RNF38: variants seen among roughly 807,000 people sequenced by gnomAD.
The protein encoded by RNF38 is E3 ubiquitin-protein ligase RNF38.
In RNF38, 15 loss-of-function variants were observed where a neutral mutation model predicts 67.2. That is an observed-to-expected ratio of 0.22 (90% CI 0.15 to 0.34). RNF38 has a LOEUF of 0.34. RNF38 is among the 10% of genes least tolerant of loss of function. RNF38 has a pLI of 1.00. For synonymous variants in RNF38, 220 were observed against 218.8 expected, an observed-to-expected ratio of 1.01 and a Z score of -0.05; for missense variants, 524 against 639.9, an observed-to-expected ratio of 0.82 and a Z score of 1.95.
intron 1 of RNF38, among the ~76,000 whole-genome samples, chr9:36,395,142 T>C (rs940835637): frequency 2.6e-5 from 4 of 152,214 alleles, no homozygotes; most frequent in African/African-American, 9.7e-5. Context: ...ACACTACTAT[T>C]TTAGGACATC....
At chr9:36,342,557 T>C (rs1832928071) in intron 10 of RNF38, 133 bp from the exon 11 acceptor site, 1 of 626,172 alleles carries the variant, frequency 1.6e-6, no homozygotes, top group Admixed American at 2.8e-5. Flanking sequence ...TATCAACCAA[T>C]ACCCTGAAAA....
intron 2 of RNF38, among the ~76,000 whole-genome samples, chr9:36,407,333 A>T (rs1838207253): frequency 2.6e-5 from 4 of 152,304 alleles, no homozygotes; most frequent in Admixed American, 2.6e-4. Context: ...CTGTTTCCAC[A>T]GTGCAGGTGA....
At chr9:36,469,794 G>C (rs1006213570) in intron 1 of RNF38, among the ~76,000 whole-genome samples, 8 of 152,120 alleles carry the variant, frequency 5.3e-5, no homozygotes, top group Admixed American at 3.3e-4. Context: ...TGGCCAACAT[G>C]GCGAAAACCC....
chr9:36,436,353 A>G (rs556040549), intron 1 of RNF38, among the ~76,000 whole-genome samples: 1 of 152,350 alleles, frequency 6.6e-6, no homozygotes, highest in East Asian at 1.9e-4. Context: ...ACCTCAATTC[A>G]GTTTAGAAAG....
intron 4 of RNF38, among the ~76,000 whole-genome samples, chr9:36,359,620 G>A (rs1184021019): frequency 6.6e-6 from 1 of 151,696 alleles, no homozygotes; most frequent in Non-Finnish European, 1.5e-5. Flanking sequence ...TTCATTTTTT[G>A]GCATTGTCAC....
upstream of RNF38, among the ~76,000 whole-genome samples, chr9:36,402,827 T>C (rs1838086545): frequency 2.6e-5 from 4 of 152,152 alleles, no homozygotes; most frequent in Non-Finnish European, 4.4e-5. Flanking sequence ...AACCCCAGGT[T>C]GGATAGTTTT....
chr9:36,423,218 A>C (rs1470273437), intron 2 of RNF38, among the ~76,000 whole-genome samples: 5 of 152,228 alleles, frequency 3.3e-5, no homozygotes, highest in Non-Finnish European at 5.9e-5. Context: ...AGAAGTTAAA[A>C]ATGAAACTCA....
intron 1 of RNF38, among the ~76,000 whole-genome samples, chr9:36,469,388 A>C (rs922435395): frequency 5.9e-5 from 9 of 152,010 alleles, no homozygotes; most frequent in Non-Finnish European, 1.2e-4. Flanking sequence ...GGCCAGGCAC[A>C]GTGGCTCACA....
intron 2 of RNF38, 25 bp from the exon 3 acceptor site, chr9:36,376,152 A>G (rs761794955): frequency 6.6e-7 from 1 of 1,514,026 alleles, no homozygotes; most frequent in Non-Finnish European, 8.9e-7. Flanking sequence ...AAATGGATCA[A>G]CTGAGTAAGA....
chr9:36,400,170 C>A lies in RNF38; in HGVS notation c.-62G>T. 1 of 1,598,234 alleles carries A rather than the reference C, an allele frequency of 6.3e-7. No individual in the cohort carries two copies. The highest frequency in any genetic ancestry group is 1.1e-5 in the South Asian group (1 of 89,536). On this transcript the variant is annotated 5_prime_UTR_variant, in exon 1 of 12. Transcript: ENST00000259605. The stretch of plus-strand genomic sequence containing the variant: ...TCAATAACCTGAAACACTCCCGTTT[C>A]AAAAACCAACCTCTCTCACGCTTCA...
At chr9:36,486,139 T>C (rs1840405604) in intron 1 of RNF38, among the ~76,000 whole-genome samples, 1 of 151,856 alleles carries the variant, frequency 6.6e-6, no homozygotes, top group African/African-American at 2.4e-5. Context: ...GAATACCCTC[T>C]CCTTTTTCCC....
intron 11 of RNF38, among the ~76,000 whole-genome samples, chr9:36,341,712 G>A (rs1021062222): frequency 6.6e-6 from 1 of 151,812 alleles, no homozygotes; most frequent in African/African-American, 2.4e-5. Context: ...TCTCGCTTGA[G>A]CCTGGGATGT....
intron 1 of RNF38, among the ~76,000 whole-genome samples, chr9:36,449,770 T>C (rs1222939903): frequency 2.0e-5 from 3 of 152,116 alleles, no homozygotes; most frequent in Non-Finnish European, 4.4e-5. Context: ...CACAAAAACA[T>C]TTGCAGGTCC....
At chr9:36,366,231 T>C (rs1299151680) in intron 4 of RNF38, among the ~76,000 whole-genome samples, 1 of 152,152 alleles carries the variant, frequency 6.6e-6, no homozygotes, top group Non-Finnish European at 1.5e-5. Flanking sequence ...AACACTTAAT[T>C]AGCCACAACA....
At chr9:36,468,819 TA>T (rs975263377) in intron 1 of RNF38, among the ~76,000 whole-genome samples, 2 of 149,784 alleles carry the variant, frequency 1.3e-5, no homozygotes, top group African/African-American at 2.5e-5. Context: ...TCTCAAAAAA[TA>T]AAAAAAAATT....
At chr9:36,407,015 A>T (rs865975047) in intron 2 of RNF38, among the ~76,000 whole-genome samples, 1 of 152,076 alleles carries the variant, frequency 6.6e-6, no homozygotes, top group Admixed American at 6.6e-5. Context: ...TACAAAAAAA[A>T]CCCAAAAAAC....
At chr9:36,446,976 A>C (rs1427467046) in intron 1 of RNF38, among the ~76,000 whole-genome samples, 8 of 151,410 alleles carry the variant, frequency 5.3e-5, no homozygotes, top group African/African-American at 1.5e-4. Context: ...AAAAAAAAAA[A>C]CATAGCTGGG....
intron 2 of RNF38, among the ~76,000 whole-genome samples, chr9:36,416,709 G>A (rs565707453): frequency 7.0e-6 from 1 of 142,754 alleles, no homozygotes; most frequent in Admixed American, 7.0e-5. Context: ...GACTAGAAGT[G>A]TCTACAGGGC....
intron 1 of RNF38, among the ~76,000 whole-genome samples, chr9:36,395,818 T>TA (rs1416489451): frequency 4.6e-5 from 7 of 152,218 alleles, no homozygotes; most frequent in African/African-American, 1.7e-4. Context: ...GTTTAACAAA[T>TA]ACTTGCTAAG....
Sources: allele counts gnomAD v4.1 joint callset (sites outside exome capture counted in the v4.1 genomes callset), GRCh38; gene constraint gnomAD v4.1.1; transcripts MANE v1.5; gene names NCBI Gene and HGNC (gene_info 2026-07-23, HGNC 2026-07-21).